The following CSMD1 variants were observed in gnomAD, a reference collection of about 807,000 sequenced individuals.
CSMD1 encodes CUB and sushi domain-containing protein 1.
A neutral mutation model predicts 417.5 loss-of-function variants in CSMD1; 213 were observed. That is an observed-to-expected ratio of 0.51 (90% CI 0.46 to 0.57). CSMD1 has a LOEUF of 0.57. CSMD1 is among the 20% of genes least tolerant of loss of function. The pLI is 0.00. For synonymous variants in CSMD1, 2,862 were observed against 1,736.8 expected, an observed-to-expected ratio of 1.65 and a Z score of -16.11; for missense variants, 6,923 against 4,529.7, an observed-to-expected ratio of 1.53 and a Z score of -15.17.
In CSMD1 at chr8:4,662,098, C is replaced by G. The variant is rs150887759; in HGVS notation, c.86-24540G>C. On this transcript the variant is annotated intron_variant, in intron 1 of 69. Coordinates refer to ENST00000635120, the MANE Select transcript of CSMD1 (RefSeq NM_033225.6). Reference sequence around the variant, plus strand: ...ATAAAAATTTGGGACTAGAGAAACACCACAATTACACTTTTTCTTTTCTAA... The same window carrying G: ...ATAAAAATTTGGGACTAGAGAAACAGCACAATTACACTTTTTCTTTTCTAA... 2.9e-3 allele frequency among the ~76,000 whole-genome samples: 442 copies of G among 152,124 alleles called. 2 individuals carry two copies. Among genetic ancestry groups the G allele is most frequent in the African/African-American group, 0.01 (418 of 41,494 alleles).
intron 3 of CSMD1, among the ~76,000 whole-genome samples, chr8:4,052,398 T>C (rs1227092363): frequency 1.3e-5 from 2 of 152,172 alleles, no homozygotes; most frequent in African/African-American, 4.8e-5. Context: ...CAAAGACCTA[T>C]TTCTCCAAGT....
intron 2 of CSMD1, among the ~76,000 whole-genome samples, chr8:4,495,723 G>A (rs1156331581): frequency 6.7e-6 from 1 of 148,814 alleles, no homozygotes; most frequent in Non-Finnish European, 1.5e-5. Context: ...CTCCTTATAG[G>A]AGAGTTATAT....
At chr8:4,119,110 G>C (rs1270791946) in intron 3 of CSMD1, among the ~76,000 whole-genome samples, 2 of 152,072 alleles carry the variant, frequency 1.3e-5, no homozygotes, top group Non-Finnish European at 2.9e-5. Flanking sequence ...GACAAGAGAA[G>C]GGAGATCATT....
At chr8:3,870,173 G>C (rs1182602742) in intron 5 of CSMD1, among the ~76,000 whole-genome samples, 1 of 152,154 alleles carries the variant, frequency 6.6e-6, no homozygotes, top group Non-Finnish European at 1.5e-5. Context: ...CTTGGTTAAA[G>C]AGGTTCTTCC....
intron 5 of CSMD1, among the ~76,000 whole-genome samples, chr8:3,820,541 T>A (rs1261603992): frequency 6.6e-6 from 1 of 152,178 alleles, no homozygotes; most frequent in East Asian, 1.9e-4. Context: ...CAATGCCTTT[T>A]TCTTCCATTT....
chr8:3,746,161 C>T (rs2720846), intron 6 of CSMD1, among the ~76,000 whole-genome samples: 150,105 of 152,352 alleles, frequency 0.99, 73,980 homozygotes, highest in East Asian at 1. Context: ...ATAAGAGCAG[C>T]TCAGGGCTGA....
chr8:4,977,472 G>C lies in CSMD1; in HGVS notation c.85+16860C>G, dbSNP rs545915941. ...GGACTCATGCACATTGGGAAAGAAGGTCTCATCTCTTCTGGGCTTTCTTCA... is the reference window on the plus strand; with the variant it reads ...GGACTCATGCACATTGGGAAAGAAGCTCTCATCTCTTCTGGGCTTTCTTCA... On this transcript the variant is annotated intron_variant, in intron 1 of 69. Transcript: ENST00000635120. Among the ~76,000 whole-genome samples, 3 of 152,276 alleles carry C rather than the reference G, an allele frequency of 2.0e-5. No individual in the cohort carries two copies. The South Asian group carries it at 6.2e-4, about 32-fold the overall frequency.
intron 5 of CSMD1, among the ~76,000 whole-genome samples, chr8:3,944,707 A>G (rs894884483): frequency 1.3e-5 from 2 of 152,174 alleles, no homozygotes; most frequent in Non-Finnish European, 2.9e-5. Flanking sequence ...GCCTCAGGAC[A>G]TTTGTCTCTT....
At chr8:4,581,844 C>A (rs748673990) in intron 2 of CSMD1, among the ~76,000 whole-genome samples, 3 of 152,130 alleles carry the variant, frequency 2.0e-5, no homozygotes, top group African/African-American at 4.8e-5. Context: ...AAGCACTGAC[C>A]CAAATCTCTG....
chr8:3,209,915 G>C (rs1797506262), intron 30 of CSMD1, among the ~76,000 whole-genome samples: 1 of 152,070 alleles, frequency 6.6e-6, no homozygotes. Context: ...AACAAAACTA[G>C]CAAACAGAAG....
intron 1 of CSMD1, among the ~76,000 whole-genome samples, chr8:4,833,763 C>A (rs995435972): frequency 2.0e-5 from 3 of 152,144 alleles, no homozygotes; most frequent in South Asian, 2.1e-4. Context: ...GACTTCTATT[C>A]GTTATCTTAG....
chr8:3,994,769 T>A (rs1424331316), intron 5 of CSMD1, among the ~76,000 whole-genome samples: 1 of 152,210 alleles, frequency 6.6e-6, no homozygotes, highest in Admixed American at 6.5e-5. Context: ...ATGGCAACCC[T>A]GACTTAAAAC....
intron 6 of CSMD1, among the ~76,000 whole-genome samples, chr8:3,751,543 A>C (rs2037047262): frequency 6.7e-6 from 1 of 150,126 alleles, no homozygotes; most frequent in Non-Finnish European, 1.5e-5. Context: ...TACAAGAATG[A>C]AGTGTGTATA....
At chr8:3,035,996 G>C (rs1304796114) in intron 50 of CSMD1, among the ~76,000 whole-genome samples, 2 of 152,062 alleles carry the variant, frequency 1.3e-5, no homozygotes, top group Non-Finnish European at 2.9e-5. Context: ...ATGTTGATAT[G>C]GTTGACACAT....
chr8:3,749,168 G>C (rs527772505), intron 6 of CSMD1, among the ~76,000 whole-genome samples: 1 of 152,104 alleles, frequency 6.6e-6, no homozygotes. Flanking sequence ...TGCTTACAAG[G>C]CACTTATTTA....
intron 26 of CSMD1, among the ~76,000 whole-genome samples, chr8:3,253,442 C>T (rs1180818225): frequency 6.6e-6 from 1 of 152,106 alleles, no homozygotes; most frequent in Non-Finnish European, 1.5e-5. Flanking sequence ...GAGTGCTTTA[C>T]TTCCAACTAT....
chr8:3,276,343 G>T (rs1425811902), intron 26 of CSMD1, among the ~76,000 whole-genome samples: 1 of 152,182 alleles, frequency 6.6e-6, no homozygotes, highest in Non-Finnish European at 1.5e-5. Flanking sequence ...TGGAAATGCA[G>T]AAATCACCCA....
chr8:3,007,931 A>C (rs1808077249), intron 52 of CSMD1, among the ~76,000 whole-genome samples: 1 of 152,194 alleles, frequency 6.6e-6, no homozygotes, highest in Non-Finnish European at 1.5e-5. Context: ...TAATAAAAGA[A>C]AAAAAACTTA....
At chr8:3,758,530 C>T (rs1245953430) in intron 5 of CSMD1, among the ~76,000 whole-genome samples, 1 of 152,184 alleles carries the variant, frequency 6.6e-6, no homozygotes, top group Non-Finnish European at 1.5e-5. Context: ...AATCTTATAG[C>T]TCTCATCTGA....
Sources: gnomAD v4.1 joint callset for allele counts (sites outside exome capture counted in the v4.1 genomes callset) on GRCh38, gnomAD v4.1.1 for gene constraint, MANE v1.5 for transcripts, NCBI Gene and HGNC (gene_info 2026-07-23, HGNC 2026-07-21) for gene names.